Variants in ZNF696 observed in about 807,000 individuals in gnomAD.
ZNF696 encodes zinc finger protein 696.
Under a neutral mutation model 12.3 loss-of-function variants are expected in ZNF696, and 10 were observed. That is an observed-to-expected ratio of 0.81 (90% CI 0.50 to 1.38). ZNF696 has a LOEUF of 1.38. ZNF696 is among the 40% of genes most tolerant of loss of function. The pLI is 0.00. For missense variants in ZNF696, 675 were observed against 554.7 expected (o/e 1.22, Z -2.18); for synonymous variants, 304 against 243.9 (o/e 1.25, Z -2.29).
At chr8:143,294,047 G>C (rs956600124) in intron 2 of ZNF696, among the ~76,000 whole-genome samples, 1 of 152,188 alleles carries the variant, frequency 6.6e-6, no homozygotes, top group Non-Finnish European at 1.5e-5. Flanking sequence ...CCTGCAGACT[G>C]AGAAGTCCTC....
At chr8:143,292,543 A>G (rs1815644834) in intron 1 of ZNF696, among the ~76,000 whole-genome samples, 1 of 152,076 alleles carries the variant, frequency 6.6e-6, no homozygotes, top group Non-Finnish European at 1.5e-5. Flanking sequence ...TACCATTCAA[A>G]TAAGTTGTTC....
At position 143,298,215 on chromosome 8, in the gene ZNF696, T is replaced by C. The variant is rs900647155; in HGVS notation, c.*1415T>C. 1.3e-5 allele frequency among the ~76,000 whole-genome samples: 2 copies of C among 152,174 alleles called. No individual in the cohort carries two copies. Among genetic ancestry groups the C allele is most frequent in the Non-Finnish European group, 2.9e-5 (2 of 68,022 alleles). ...TGCAGTTCTCTGCCCAGGTAAGGAC[T>C]AATTGGGAAGAATTCTGGGTCCTGA... On this transcript the variant is annotated 3_prime_UTR_variant, in exon 3 of 3. Coordinates refer to ENST00000330143, the MANE Select transcript of ZNF696 (RefSeq NM_030895.3).
At chr8:143,295,515 G>A in intron 2 of ZNF696, 1 of 696,030 alleles carries the variant, frequency 1.4e-6, no homozygotes, top group Non-Finnish European at 2.6e-6. Flanking sequence ...TTCTGGAGTG[G>A]CAGTGCAGGA....
At chr8:143,294,060 C>T (rs1815667985) in intron 2 of ZNF696, among the ~76,000 whole-genome samples, 1 of 152,234 alleles carries the variant, frequency 6.6e-6, no homozygotes, top group African/African-American at 2.4e-5. Context: ...AAGTCCTCCT[C>T]AGTTGCTGTG....
At chr8:143,292,440 G>GGTT (rs1554616774) in intron 1 of ZNF696, among the ~76,000 whole-genome samples, 13 of 145,308 alleles carry the variant, frequency 8.9e-5, no homozygotes, top group Non-Finnish European at 1.8e-4. Context: ...TCCCTTTTTG[G>GGTT]TTTTTTTTTT....
Position 143,295,755 on chromosome 8 carries a change from T to C in ZNF696, c.80T>C (p.Phe27Ser), listed in dbSNP as rs138502152. The C allele has an allele frequency of 3.1e-6, 5 of 1,599,254 alleles. No homozygotes were observed. The highest frequency in any genetic ancestry group is 4.3e-6 in the Non-Finnish European group (5 of 1,174,340). Residue 27 changes from phenylalanine to serine, a missense_variant, in exon 3 of 3, where the codon TTC (phenylalanine) becomes TCC (serine). Phe to Ser is a radical substitution (Grantham distance 155, BLOSUM62 -2). Coordinates refer to ENST00000330143, the MANE Select transcript of ZNF696 (RefSeq NM_030895.3). ...MESLAAVKAAFLAQAPSGSRS... is the reference protein window; with the variant it reads ...MESLAAVKAASLAQAPSGSRS... ...TCTTTTTCAGCTGTGAAGGCTGCTT[T>C]CCTGGCGCAGGCCCCGAGTGGCAGC...
Position 143,291,701 on chromosome 8 carries a change from C to T in ZNF696, c.-97C>T. 1 of 985,504 alleles carries T rather than the reference C, an allele frequency of 1.0e-6. No individual in the cohort carries two copies. Among genetic ancestry groups the T allele is most frequent in the South Asian group, 4.7e-5 (1 of 21,292 alleles). The allele number at this position is 985,504 out of a possible 1,614,324, so 61.0% of individuals were successfully genotyped here. A position where few individuals can be genotyped will look rare whatever the true frequency, so the allele number is the denominator to read the frequency against. ...GGCCTTTGTAAGTTGTCAAATTTCCCACCGGCCCAGCTCATCGAGCTTCTT... is the reference window on the plus strand; with the variant it reads ...GGCCTTTGTAAGTTGTCAAATTTCCTACCGGCCCAGCTCATCGAGCTTCTT... On this transcript the variant is annotated 5_prime_UTR_variant, in exon 1 of 3. Coordinates refer to ENST00000330143, the MANE Select transcript of ZNF696 (RefSeq NM_030895.3).
rs1474835425 is a variant in ZNF696, at chr8:143,298,728, A to G, written c.*1928A>G. On this transcript the variant is annotated 3_prime_UTR_variant, in exon 3 of 3. Transcript: ENST00000330143. ...AGAAAGCTGTAGGGTACATACTGTC[A>G]CGCATGAATAGGCAGGACTCCTTAA... 5.9e-5 allele frequency among the ~76,000 whole-genome samples: 9 copies of G among 152,224 alleles called. No individual in the cohort carries two copies. The highest frequency in any genetic ancestry group is 5.9e-4 in the Admixed American group (9 of 15,284).
At chr8:143,292,933 C>G in intron 1 of ZNF696, 39 bp from the exon 2 acceptor site, 1 of 1,566,524 alleles carries the variant, frequency 6.4e-7, no homozygotes, top group Non-Finnish European at 8.7e-7. Context: ...GTACCTAGCC[C>G]TGGCTGTGAT....
In ZNF696 at chr8:143,299,052, G is replaced by A. The variant is rs556141271; in HGVS notation, c.*2252G>A. On this transcript the variant is annotated 3_prime_UTR_variant, in exon 3 of 3. Transcript: ENST00000330143. ...CCCACACCTGTAATCCCAGCTACTC[G>A]GGCAGCTGAGGCAGGAGAATCCCTT... Among the ~76,000 whole-genome samples the A allele has an allele frequency of 7.2e-4, 110 of 152,190 alleles. 1 individual carries two copies. The highest frequency in any genetic ancestry group is 2.2e-3 in the African/African-American group (92 of 41,528).
At chr8:143,293,974 T>C (rs899965857) in intron 2 of ZNF696, among the ~76,000 whole-genome samples, 1 of 151,226 alleles carries the variant, frequency 6.6e-6, no homozygotes, top group Non-Finnish European at 1.5e-5. Flanking sequence ...ATCTGCGCCC[T>C]CCACATTCTT....
In ZNF696 at chr8:143,296,023, C is replaced by T. The variant is rs751468050; in HGVS notation, c.348C>T (p.Gly116=). Residue 116 remains glycine, a synonymous_variant, in exon 3 of 3, where the codon GGC becomes GGT. Coordinates refer to ENST00000330143, the MANE Select transcript of ZNF696 (RefSeq NM_030895.3). ...CGAACGCAGGCCCCGGCGCAGAGGG[C>T]GGGGGCAGCTGGAAGGGGCGGCCTT... ...VPPNAGPGAE[G]GGSWKGRPFP... is the part of the protein sequence containing the mutation. 3.1e-6 allele frequency: 5 copies of T among 1,594,650 alleles called. No individual in the cohort carries two copies. The highest frequency in any genetic ancestry group is 4.3e-6 in the Non-Finnish European group (5 of 1,170,166).
At position 143,296,587 on chromosome 8, in the gene ZNF696, C is replaced by T. The variant is rs754893856; in HGVS notation, c.912C>T (p.Arg304=). Residue 304 remains arginine (R), a synonymous_variant, in exon 3 of 3, where the codon CGC becomes CGT. Transcript: ENST00000330143. Reference sequence around the variant, plus strand: ...AGGACTGCGGCCGCGCCTTCAGCCGCAGCTCCTTCCTCCGCGAGCACCGCC... The same window carrying T: ...AGGACTGCGGCCGCGCCTTCAGCCGTAGCTCCTTCCTCCGCGAGCACCGCC... ...ACQDCGRAFS[R]SSFLREHRRI... is the part of the protein sequence containing the mutation. 5.7e-6 allele frequency: 9 copies of T among 1,585,140 alleles called. No individual in the cohort carries two copies. The highest frequency in any genetic ancestry group is 4.6e-5 in the East Asian group (2 of 43,926).
At position 143,298,233 on chromosome 8, in the gene ZNF696, G is replaced by T. The variant is rs1229767266; in HGVS notation, c.*1433G>T. ...TAAGGACTAATTGGGAAGAATTCTG[G>T]GTCCTGAGCTGGCTGCCGCTTCCAA... On this transcript the variant is annotated 3_prime_UTR_variant, in exon 3 of 3. Transcript: ENST00000330143. Among the ~76,000 whole-genome samples the T allele has an allele frequency of 6.6e-6, 1 of 152,134 alleles. No homozygotes were observed. Among genetic ancestry groups the T allele is most frequent in the Admixed American group, 6.5e-5 (1 of 15,280 alleles).
Position 143,296,542 on chromosome 8 carries a change from G to A in ZNF696, c.867G>A (p.Gly289=), listed in dbSNP as rs771372890. The change falls in exon 3 of 3, where the codon GGG becomes GGA. Residue 289 remains glycine (G), a synonymous_variant. Transcript: ENST00000330143. ...NLLQHQRVHT[G]ERPFACQDCG... is the part of the protein sequence containing the mutation. ...TCCAGCACCAGCGCGTGCACACGGG[G>A]GAGCGGCCCTTCGCCTGCCAGGACT... 1.9e-6 allele frequency: 3 copies of A among 1,601,970 alleles called. No individual in the cohort carries two copies. Among genetic ancestry groups the A allele is most frequent in the Non-Finnish European group, 2.5e-6 (3 of 1,177,970 alleles).
In ZNF696 at chr8:143,296,002, C is replaced by T. The variant is rs1181280396; in HGVS notation, c.327C>T (p.Asn109=). The T allele has an allele frequency of 3.8e-6, 6 of 1,594,362 alleles. No individual in the cohort carries two copies. The highest frequency in any genetic ancestry group is 1.3e-5 in the African/African-American group (1 of 74,608). The change falls in exon 3 of 3, where the codon AAC becomes AAT. Residue 109 remains asparagine, a synonymous_variant. Transcript: ENST00000330143. The part of the protein sequence containing the change: ...QSGLESDVPP[N]AGPGAEGGGS... ...GCCTCGAGTCAGACGTCCCTCCGAA[C>T]GCAGGCCCCGGCGCAGAGGGCGGGG...
At position 143,295,876 on chromosome 8, in the gene ZNF696, G is replaced by C. The variant is rs768847265; in HGVS notation, c.201G>C (p.Ala67=). 1 of 1,566,620 alleles carries C rather than the reference G, an allele frequency of 6.4e-7. No individual in the cohort carries two copies. Among genetic ancestry groups the C allele is most frequent in the Non-Finnish European group, 8.7e-7 (1 of 1,154,930 alleles). ...GEGHRGGPPR[A]LGSLGLCENQ... The stretch of plus-strand genomic sequence containing the variant: ...GCCACAGAGGGGGGCCTCCCCGGGC[G>C]TTGGGGTCTCTTGGCCTTTGTGAAA... The change falls in exon 3 of 3, where the codon GCG becomes GCC. Residue 67 remains alanine (A), a synonymous_variant. Coordinates refer to ENST00000330143, the MANE Select transcript of ZNF696 (RefSeq NM_030895.3).
chr8:143,294,675 G>T (rs1001892198), intron 2 of ZNF696, among the ~76,000 whole-genome samples: 1 of 152,082 alleles, frequency 6.6e-6, no homozygotes, highest in Non-Finnish European at 1.5e-5. Flanking sequence ...CTCTTGGTCC[G>T]GATTTCTGTC....
chr8:143,295,643 C>G (rs1815695203), intron 2 of ZNF696, 97 bp from the exon 3 acceptor site: 2 of 1,300,002 alleles, frequency 1.5e-6, no homozygotes, highest in Non-Finnish European at 2.1e-6. Context: ...ACTGACGTCA[C>G]CATCACTGTC....
Sources: gnomAD v4.1 joint callset for allele counts (sites outside exome capture counted in the v4.1 genomes callset) on GRCh38, gnomAD v4.1.1 for gene constraint, MANE v1.5 for transcripts, NCBI Gene and HGNC (gene_info 2026-07-23, HGNC 2026-07-21) for gene names.